The following ABHD2 variants were observed in gnomAD, a reference collection of about 807,000 sequenced individuals.
The protein encoded by ABHD2 is monoacylglycerol lipase ABHD2.
A neutral mutation model predicts 48.1 loss-of-function variants in ABHD2; 20 were observed. That is an observed-to-expected ratio of 0.42 (90% confidence interval 0.29 to 0.60). The LOEUF (loss-of-function observed/expected upper bound fraction) is 0.60, where lower values mean the gene tolerates loss of function less well. ABHD2 is among the 20% of genes least tolerant of loss of function. The pLI, the probability that ABHD2 is intolerant of heterozygous loss-of-function variation, is 0.24. For synonymous variants in ABHD2, 209 were observed against 214.2 expected (o/e 0.98, Z 0.21); for missense variants, 405 against 550.9 (o/e 0.74, Z 2.65).
At position 89,091,080 on chromosome 15, in the gene ABHD2, C is replaced by G. The variant is rs1043498835; in HGVS notation, c.-107+2517C>G. Among the ~76,000 whole-genome samples the G allele has an allele frequency of 2.0e-5, 3 of 152,146 alleles. No homozygotes were observed. Among genetic ancestry groups the G allele is most frequent in the African/African-American group, 7.2e-5 (3 of 41,438 alleles). ...CAGATGGCAAGTACAAGGGAATGGT[C>G]TTTTTCCTCTCATTTTAGTCAGGGT... On this transcript the variant is annotated intron_variant, in intron 1 of 10. Coordinates refer to ENST00000352732, the MANE Select transcript of ABHD2 (RefSeq NM_152924.5). The surrounding 1 kb of genome is among the most constrained non-coding windows in gnomAD (Gnocchi z 5.5).
the ABHD2 span, among the ~76,000 whole-genome samples, chr15:89,075,819 TCC>T: frequency 6.6e-6 from 1 of 151,360 alleles, no homozygotes; most frequent in South Asian, 2.1e-4. The surrounding 1 kb of genome is among the most constrained non-coding windows in gnomAD (Gnocchi z 4.1). Flanking sequence ...GGAAGAAGAG[TCC>T]ATGGGGCAGG....
At chr15:89,063,665 G>T in the ABHD2 span, among the ~76,000 whole-genome samples, 1 of 151,974 alleles carries the variant, frequency 6.6e-6, no homozygotes, top group Non-Finnish European at 1.5e-5. Context: ...ACCATTTTAA[G>T]CATGTTTAGG....
Position 89,188,163 on chromosome 15 carries a change from A to C in ABHD2, c.816-30A>C. 6.3e-7 allele frequency: 1 copy of C among 1,593,900 alleles called. No individual in the cohort carries two copies. Among genetic ancestry groups the C allele is most frequent in the Non-Finnish European group, 8.6e-7 (1 of 1,161,746 alleles). ...CATGGTTGTTCATCCTCCACATCTT[A>C]ATCTCTGTTTGCTTTTGTGTTTGCT... On this transcript the variant is annotated intron_variant, in intron 7 of 10. Coordinates refer to ENST00000352732, the MANE Select transcript of ABHD2 (RefSeq NM_152924.5). This position sits in a 1 kb window ranked among gnomAD's most constrained non-coding sequence, Gnocchi z 4.1.
rs181259176 is a variant in ABHD2, at chr15:89,170,344, G to A, written c.539-5468G>A. On this transcript the variant is annotated intron_variant, in intron 5 of 10. Coordinates refer to ENST00000352732, the MANE Select transcript of ABHD2 (RefSeq NM_152924.5). ...ACTCCTGAACTCAAATGATCCACCC[G>A]CCTCAGCCTCCCAAAGTGCTGGGAT... Among the ~76,000 whole-genome samples, 119 of 151,728 alleles carry A rather than the reference G, an allele frequency of 7.8e-4. 1 individual carries two copies. Among genetic ancestry groups the A allele is most frequent in the Middle Eastern group, 3.4e-3 (1 of 294 alleles).
At chr15:89,076,979 C>G in the ABHD2 span, among the ~76,000 whole-genome samples, 7 of 152,272 alleles carry the variant, frequency 4.6e-5, no homozygotes, top group South Asian at 2.1e-4. Context: ...TGCCCTGGTT[C>G]TATTTTGCTT....
At chr15:89,064,668 G>A in the ABHD2 span, among the ~76,000 whole-genome samples, 240 of 152,004 alleles carry the variant, frequency 1.6e-3, 3 homozygotes, top group Non-Finnish European at 6.8e-4. Flanking sequence ...TGACTATTTG[G>A]TATATTGCTC....
chr15:89,163,065 C>T (rs1220996820), intron 5 of ABHD2, among the ~76,000 whole-genome samples: 1 of 152,202 alleles, frequency 6.6e-6, no homozygotes, highest in Non-Finnish European at 1.5e-5. Context: ...TGAGCAGATG[C>T]CAGGCATTCA....
chr15:89,148,118 C>CAAAAAAAAAAAAAAA (rs10711138), intron 3 of ABHD2, among the ~76,000 whole-genome samples: 2 of 69,578 alleles, frequency 2.9e-5, no homozygotes, highest in African/African-American at 5.3e-5. Flanking sequence ...GACTCCGTCT[C>CAAAAAAAAAAAAAAA]AAAAAAAAAA....
intron 9 of ABHD2, among the ~76,000 whole-genome samples, chr15:89,191,999 TTAAG>T (rs765748815): frequency 6.6e-5 from 10 of 152,268 alleles, no homozygotes; most frequent in East Asian, 1.9e-4. Context: ...CTTTGTGTGA[TTAAG>T]TTTGTGGCCA....
the ABHD2 span, among the ~76,000 whole-genome samples, chr15:89,067,755 T>C: frequency 6.6e-6 from 1 of 152,140 alleles, no homozygotes. Flanking sequence ...CCTGCTACTA[T>C]CCTAACACTC....
intron 3 of ABHD2, among the ~76,000 whole-genome samples, chr15:89,127,265 C>T (rs1292877288): frequency 6.6e-6 from 1 of 152,066 alleles, no homozygotes; most frequent in Non-Finnish European, 1.5e-5. Context: ...TCTGGGTCAG[C>T]GTGGGTGCAT....
Position 89,176,225 on chromosome 15 carries a change from T to C in ABHD2, c.722+230T>C, listed in dbSNP as rs1435238058. The stretch of plus-strand genomic sequence containing the variant: ...CTGCGTTTTGGGGTCAGATCTGTAA[T>C]TGGAGAAGTAAAACCCCCTTTGATA... On this transcript the variant is annotated intron_variant, in intron 6 of 10. Transcript: ENST00000352732. This position sits in a 1 kb window ranked among gnomAD's most constrained non-coding sequence, Gnocchi z 4.5. 6.6e-6 allele frequency among the ~76,000 whole-genome samples: 1 copy of C among 152,146 alleles called. No homozygotes were observed. The highest frequency in any genetic ancestry group is 1.5e-5 in the Non-Finnish European group (1 of 68,028).
chr15:89,110,585 T>C (rs2049858748), intron 1 of ABHD2, among the ~76,000 whole-genome samples: 1 of 152,184 alleles, frequency 6.6e-6, no homozygotes, highest in African/African-American at 2.4e-5. Flanking sequence ...AGAATTTACT[T>C]AACTGCCAAC....
chr15:89,171,652 A>C (rs540958514), intron 5 of ABHD2, among the ~76,000 whole-genome samples: 2 of 152,282 alleles, frequency 1.3e-5, no homozygotes, highest in African/African-American at 4.8e-5. Context: ...AGCTTCCGAA[A>C]GGCTAAGCAG....
intron 5 of ABHD2, among the ~76,000 whole-genome samples, chr15:89,158,474 T>C (rs1462388200): frequency 6.6e-6 from 1 of 152,038 alleles, no homozygotes; most frequent in Admixed American, 6.6e-5. Flanking sequence ...CAGAGAAGAA[T>C]AGGTTAAGTG....
intron 5 of ABHD2, among the ~76,000 whole-genome samples, chr15:89,170,074 C>G (rs1459606908): frequency 2.2e-5 from 2 of 91,552 alleles, no homozygotes; most frequent in Non-Finnish European, 4.1e-5. Flanking sequence ...CATGTCAGAT[C>G]AGATTCTTTT....
chr15:89,156,333 G>C (rs1350573460), intron 5 of ABHD2, among the ~76,000 whole-genome samples: 3 of 151,740 alleles, frequency 2.0e-5, no homozygotes, highest in African/African-American at 7.3e-5. Context: ...ATGTTAGCCA[G>C]GATGGTCTCG....
At chr15:89,158,528 T>C (rs1481896118) in intron 5 of ABHD2, among the ~76,000 whole-genome samples, 1 of 152,202 alleles carries the variant, frequency 6.6e-6, no homozygotes, top group Admixed American at 6.5e-5. Context: ...AGACAGGCTC[T>C]GGATCCGATG....
intron 5 of ABHD2, among the ~76,000 whole-genome samples, chr15:89,158,534 C>T (rs979612054): frequency 7.9e-5 from 12 of 152,168 alleles, no homozygotes; most frequent in African/African-American, 1.7e-4. Context: ...GCTCTGGATC[C>T]GATGCCCCAG....
Sources: gnomAD v4.1 joint callset for allele counts (sites outside exome capture counted in the v4.1 genomes callset) on GRCh38, gnomAD v4.1.1 for gene constraint, Gnocchi (gnomAD v3.1) non-coding constraint, MANE v1.5 for transcripts, NCBI Gene and HGNC (gene_info 2026-07-23, HGNC 2026-07-21) for gene names.